Variants in PLA2R1 observed in about 807,000 individuals in gnomAD.
The protein encoded by PLA2R1 is secretory phospholipase A2 receptor.
PLA2R1 carries 158 observed loss-of-function variants against 195.9 expected under a neutral mutation model. The observed-to-expected ratio is 0.81, with a 90% CI of 0.71 to 0.92. The LOEUF (loss-of-function observed/expected upper bound fraction) is 0.92. PLA2R1 is among the 40% of genes least tolerant of loss of function. The pLI is 0.00. For missense variants in PLA2R1, 1,626 were observed against 1,764.6 expected, an observed-to-expected ratio of 0.92 and a Z score of 1.41; for synonymous variants, 586 against 598.2, an observed-to-expected ratio of 0.98 and a Z score of 0.30.
In PLA2R1 at chr2:159,951,517, A is replaced by G. The variant is rs1687744255; in HGVS notation, c.3363T>C (p.Tyr1121=). 1.9e-6 allele frequency: 3 copies of G among 1,609,148 alleles called. No individual in the cohort carries two copies. In the Admixed American group the frequency reaches 5.0e-5, roughly 27 times the overall value. ...DMYPMPNTLE[Y]GNRTYKIINA... is the part of the protein sequence containing the mutation. The stretch of plus-strand genomic sequence containing the variant: ...TAATTATTTTGTAAGTTCTGTTTCC[A>G]TATTCTAAGGTATTGGGCATTGGAT... Residue 1121 remains tyrosine (Y), a synonymous_variant, in exon 24 of 30, where the codon TAT becomes TAC. Transcript: ENST00000283243.
chr2:159,931,549 G>A (rs1255703783), downstream of PLA2R1, among the ~76,000 whole-genome samples: 2 of 152,076 alleles, frequency 1.3e-5, no homozygotes, highest in Non-Finnish European at 1.5e-5. Flanking sequence ...CACTCAAATT[G>A]TTCTACAGCT....
intron 27 of PLA2R1, 27 bp downstream of exon 27, chr2:159,946,774 G>C (rs1288561478): frequency 1.3e-6 from 2 of 1,575,232 alleles, no homozygotes; most frequent in Non-Finnish European, 1.7e-6. Context: ...ATTTATTTAT[G>C]TCCTCTCCTC....
chr2:160,054,292 A>C (rs1695401266), intron 1 of PLA2R1, among the ~76,000 whole-genome samples: 1 of 152,196 alleles, frequency 6.6e-6, no homozygotes, highest in South Asian at 2.1e-4. Context: ...AAATTTTATA[A>C]TAAAAAGAAA....
At chr2:159,952,786 A>G (rs906779456) in intron 23 of PLA2R1, among the ~76,000 whole-genome samples, 2 of 151,828 alleles carry the variant, frequency 1.3e-5, no homozygotes, top group Non-Finnish European at 2.9e-5. Context: ...TTCTTGCTCC[A>G]CTCTCCTCCT....
At chr2:160,001,322 A>G (rs1453781101) in intron 11 of PLA2R1, among the ~76,000 whole-genome samples, 1 of 152,094 alleles carries the variant, frequency 6.6e-6, no homozygotes, top group Non-Finnish European at 1.5e-5. Context: ...CAATTTTCAG[A>G]TAAGTAAAGG....
At chr2:160,003,429 A>G (rs1362528039) in intron 11 of PLA2R1, among the ~76,000 whole-genome samples, 2 of 152,104 alleles carry the variant, frequency 1.3e-5, no homozygotes, top group Admixed American at 6.5e-5. Flanking sequence ...AATATAATGA[A>G]ATTTCCACTA....
chr2:160,043,055 AG>A (rs35362017), intron 2 of PLA2R1, among the ~76,000 whole-genome samples: 45,662 of 151,522 alleles, frequency 0.3, 8,653 homozygotes, highest in Non-Finnish European at 0.42. Context: ...AGAACAAGTG[AG>A]GGGGTGAATG....
intron 6 of PLA2R1, 76 bp from the exon 7 acceptor site, chr2:160,022,935 C>T: frequency 1.0e-6 from 1 of 980,044 alleles, no homozygotes; most frequent in Non-Finnish European, 1.5e-6. Flanking sequence ...ATGTAAATTG[C>T]CATTAATATG....
At chr2:160,005,182 AT>A (rs1691890672) in intron 11 of PLA2R1, among the ~76,000 whole-genome samples, 1 of 152,182 alleles carries the variant, frequency 6.6e-6, no homozygotes, top group East Asian at 1.9e-4. Context: ...GGGCCAGGCA[AT>A]TTGGCTCATG....
intron 14 of PLA2R1, 38 bp from the exon 15 acceptor site, chr2:159,977,454 C>A (rs760306849): frequency 6.2e-7 from 1 of 1,601,902 alleles, no homozygotes; most frequent in Non-Finnish European, 8.5e-7. Context: ...TAATGATGAT[C>A]CCCCCACAAA....
chr2:160,000,339 A>G (rs1206041125), intron 11 of PLA2R1, among the ~76,000 whole-genome samples: 1 of 152,180 alleles, frequency 6.6e-6, no homozygotes, highest in Non-Finnish European at 1.5e-5. Flanking sequence ...ACCACAACCC[A>G]AACTTCATGC....
At chr2:159,926,041 A>G in the PLA2R1 span, among the ~76,000 whole-genome samples, 3 of 152,216 alleles carry the variant, frequency 2.0e-5, no homozygotes, top group Non-Finnish European at 4.4e-5. Flanking sequence ...CTGCTTCAGC[A>G]TAATGTTGGT....
chr2:160,050,134 T>C (rs1695125995), intron 1 of PLA2R1, among the ~76,000 whole-genome samples: 1 of 152,214 alleles, frequency 6.6e-6, no homozygotes, highest in Non-Finnish European at 1.5e-5. Flanking sequence ...TAAACAATTA[T>C]TTTAAAAGAT....
Position 159,933,084 on chromosome 2 carries a change from G to T in PLA2R1, c.*8694C>A, listed in dbSNP as rs868796602. The stretch of plus-strand genomic sequence containing the variant: ...ATAATATTTTAAATTAGTTAACTTT[G>T]GTCCATCATGCTTACTTCATGGTGT... On this transcript the variant is annotated 3_prime_UTR_variant, in exon 30 of 30. Coordinates refer to ENST00000283243, the MANE Select transcript of PLA2R1 (RefSeq NM_007366.5). 2 of 151,588 alleles carry T rather than the reference G, an allele frequency of 1.3e-5. No individual in the cohort carries two copies. Among genetic ancestry groups the T allele is most frequent in the African/African-American group, 4.8e-5 (2 of 41,274 alleles). 9.4% of individuals were successfully genotyped at this position (151,588 alleles called of 1,614,324 possible).
chr2:159,994,178 C>T (rs1691046220), intron 11 of PLA2R1, among the ~76,000 whole-genome samples: 1 of 151,884 alleles, frequency 6.6e-6, no homozygotes, highest in Non-Finnish European at 1.5e-5. Context: ...TTGATCAATC[C>T]TTTCATTCTT....
At chr2:160,025,969 G>GT (rs1276261085) in intron 6 of PLA2R1, among the ~76,000 whole-genome samples, 2 of 152,202 alleles carry the variant, frequency 1.3e-5, no homozygotes, top group Admixed American at 6.5e-5. Context: ...TATAGTTAAT[G>GT]TAGTGTATTC....
intron 1 of PLA2R1, among the ~76,000 whole-genome samples, chr2:160,048,986 G>A (rs1277661607): frequency 2.7e-5 from 4 of 150,402 alleles, no homozygotes; most frequent in South Asian, 4.2e-4. Context: ...GACTACAGGC[G>A]CCCGCCACTA....
chr2:160,058,071 C>T (rs1221102007), intron 1 of PLA2R1, among the ~76,000 whole-genome samples: 1 of 151,906 alleles, frequency 6.6e-6, no homozygotes, highest in Non-Finnish European at 1.5e-5. Flanking sequence ...TCTCTGGTCT[C>T]ATGTCCTCAC....
chr2:159,929,852 TTGTGTG>T (rs749572220), downstream of PLA2R1, among the ~76,000 whole-genome samples: 4 of 147,660 alleles, frequency 2.7e-5, no homozygotes, highest in African/African-American at 5.0e-5. Context: ...TATTATATAT[TTGTGTG>T]TGTGTGTGTG....
Sources: gnomAD v4.1 joint callset for allele counts (sites outside exome capture counted in the v4.1 genomes callset) on GRCh38, gnomAD v4.1.1 for gene constraint, MANE v1.5 for transcripts, NCBI Gene and HGNC (gene_info 2026-07-23, HGNC 2026-07-21) for gene names.